The following BMPR2 variants were observed in gnomAD, a reference collection of about 807,000 sequenced individuals.
BMPR2 encodes bone morphogenetic protein receptor type 2.
In BMPR2, 29 loss-of-function variants were observed where a neutral mutation model predicts 100.8. That is an observed-to-expected ratio of 0.29 (90% CI 0.21 to 0.39). BMPR2 has a LOEUF of 0.39. Among genes scored for constraint, BMPR2 ranks in the 10% least tolerant of loss-of-function variants. The probability of loss-of-function intolerance (pLI) is 1.00; values close to 1 mark genes in which losing one functional copy is unlikely to be tolerated. For synonymous variants in BMPR2, 382 were observed against 442.3 expected, an observed-to-expected ratio of 0.86 and a Z score of 1.71; for missense variants, 1,011 against 1,274.5, an observed-to-expected ratio of 0.79 and a Z score of 3.15.
At chr2:202,440,425 C>T (rs1691714292) in intron 1 of BMPR2, among the ~76,000 whole-genome samples, 2 of 149,666 alleles carry the variant, frequency 1.3e-5, no homozygotes, top group African/African-American at 2.5e-5. Context: ...CGGGCAGAGA[C>T]GCTCCTCACT....
chr2:202,534,874 CG>C (rs1688102801), intron 9 of BMPR2, among the ~76,000 whole-genome samples: 1 of 147,818 alleles, frequency 6.8e-6, no homozygotes, highest in Non-Finnish European at 1.5e-5. Flanking sequence ...ACCTCCCTCC[CG>C]GACGGGGCGG....
intron 3 of BMPR2, among the ~76,000 whole-genome samples, chr2:202,513,256 C>T (rs779052395): frequency 5.9e-5 from 9 of 152,122 alleles, no homozygotes; most frequent in Non-Finnish European, 1.0e-4. Flanking sequence ...TAGGCATGAG[C>T]CACTGTGCCC....
rs75261836 is a variant in BMPR2, at chr2:202,430,014, T to C, written c.77-34795T>C. Among the ~76,000 whole-genome samples, 307 of 152,278 alleles carry C rather than the reference T, an allele frequency of 2.0e-3. 1 individual carries two copies. The highest frequency in any genetic ancestry group is 6.6e-3 in the African/African-American group (276 of 41,540). The stretch of plus-strand genomic sequence containing the variant: ...CTGTAGAATATGTGGCTTAAACATA[T>C]TTTCAGAAACTTACTTTCTTCCAAT... On this transcript the variant is annotated intron_variant, in intron 1 of 12. Coordinates refer to ENST00000374580, the MANE Select transcript of BMPR2 (RefSeq NM_001204.7).
chr2:202,559,656 G>GGGTA (rs1184646327), intron 12 of BMPR2, 40 bp from the exon 13 acceptor site: 1 of 1,608,070 alleles, frequency 6.2e-7, no homozygotes, highest in South Asian at 1.1e-5. Flanking sequence ...TATTTCTTAA[G>GGGTA]TTTGTTAAAT....
chr2:202,431,436 A>G (rs1691501210), intron 1 of BMPR2, among the ~76,000 whole-genome samples: 1 of 150,706 alleles, frequency 6.6e-6, no homozygotes, highest in Admixed American at 6.6e-5. Context: ...TCTAATCTGT[A>G]AAGTGATACA....
At chr2:202,428,104 T>A (rs1168419551) in intron 1 of BMPR2, among the ~76,000 whole-genome samples, 1 of 152,256 alleles carries the variant, frequency 6.6e-6, no homozygotes, top group African/African-American at 2.4e-5. Flanking sequence ...TTCATTTTTT[T>A]AATATACCCA....
intron 9 of BMPR2, among the ~76,000 whole-genome samples, chr2:202,537,334 A>G (rs968251286): frequency 6.6e-6 from 1 of 152,238 alleles, no homozygotes; most frequent in Admixed American, 6.5e-5. Context: ...TACAAACAAT[A>G]TATTTTGAAA....
chr2:202,382,201 A>G (rs1179382462), intron 1 of BMPR2, among the ~76,000 whole-genome samples: 1 of 151,624 alleles, frequency 6.6e-6, no homozygotes. Flanking sequence ...CTGGGATTAT[A>G]GGTGTGCACC....
intron 3 of BMPR2, among the ~76,000 whole-genome samples, chr2:202,485,338 A>T (rs1692750844): frequency 1.3e-5 from 2 of 151,944 alleles, no homozygotes; most frequent in Non-Finnish European, 2.9e-5. Flanking sequence ...TTTGGAGGCC[A>T]GCAGTCTAAA....
intron 7 of BMPR2, 162 bp downstream of exon 7, chr2:202,520,363 CAG>C: frequency 1.5e-6 from 1 of 665,518 alleles, no homozygotes; most frequent in Middle Eastern, 4.0e-4. Flanking sequence ...TGAAATGTAA[CAG>C]AAAGAGCTTT....
At chr2:202,494,993 C>T (rs1274512034) in intron 3 of BMPR2, among the ~76,000 whole-genome samples, 2 of 152,162 alleles carry the variant, frequency 1.3e-5, no homozygotes, top group African/African-American at 2.4e-5. Flanking sequence ...CTGCTCAGAC[C>T]TCTAGGGGAC....
chr2:202,476,080 T>TAAA (rs56243938), intron 3 of BMPR2, among the ~76,000 whole-genome samples: 1 of 95,376 alleles, frequency 1.0e-5, no homozygotes, highest in Non-Finnish European at 2.0e-5. Context: ...GTCTCAAGGT[T>TAAA]AAAAAAAAAA....
chr2:202,399,166 A>G (rs1244543136), intron 1 of BMPR2, among the ~76,000 whole-genome samples: 3 of 152,190 alleles, frequency 2.0e-5, no homozygotes, highest in African/African-American at 7.2e-5. Context: ...AAGTAGATAC[A>G]TAAAGGAACA....
At chr2:202,422,432 G>A (rs781502100) in intron 1 of BMPR2, among the ~76,000 whole-genome samples, 8 of 151,274 alleles carry the variant, frequency 5.3e-5, no homozygotes, top group East Asian at 3.9e-4. Context: ...TCAGCCTCCC[G>A]AGTAGCTGGG....
chr2:202,440,217 C>T (rs1046452084), intron 1 of BMPR2, among the ~76,000 whole-genome samples: 1 of 150,800 alleles, frequency 6.6e-6, no homozygotes, highest in Non-Finnish European at 1.5e-5. Context: ...GTGGCCCGTT[C>T]TCAATGAGCT....
At chr2:202,450,691 CAAA>C (rs761806972) in intron 1 of BMPR2, among the ~76,000 whole-genome samples, 8 of 41,212 alleles carry the variant, frequency 1.9e-4, no homozygotes, top group Non-Finnish European at 2.8e-4. Flanking sequence ...AACTCCATCT[CAAA>C]AAAAAAAAAA....
rs1688040893 is a variant in BMPR2, at chr2:202,532,094, C to A, written c.1129-491C>A. 6.6e-6 allele frequency among the ~76,000 whole-genome samples: 1 copy of A among 151,634 alleles called. No homozygotes were observed. The highest frequency in any genetic ancestry group is 1.5e-5 in the Non-Finnish European group (1 of 67,966). On this transcript the variant is annotated intron_variant, in intron 8 of 12. Transcript: ENST00000374580. This position sits in a 1 kb window ranked among gnomAD's most constrained non-coding sequence, Gnocchi z 4.1. ...AGCTGGGACTACAGGCACCCACCAC[C>A]ATGCCTGGTTAATTTTTTATTTTTT...
intron 1 of BMPR2, among the ~76,000 whole-genome samples, chr2:202,395,322 A>G (rs1690637951): frequency 6.6e-6 from 1 of 152,214 alleles, no homozygotes; most frequent in African/African-American, 2.4e-5. Flanking sequence ...AAGTCGATTA[A>G]TATCTTTACA....
intron 3 of BMPR2, among the ~76,000 whole-genome samples, chr2:202,512,352 A>G (rs1687641124): frequency 6.6e-6 from 1 of 152,218 alleles, no homozygotes; most frequent in Admixed American, 6.5e-5. Flanking sequence ...TTGCATAACT[A>G]CATCTAGTTA....
Sources: gnomAD v4.1 joint callset for allele counts (sites outside exome capture counted in the v4.1 genomes callset) on GRCh38, gnomAD v4.1.1 for gene constraint, Gnocchi (gnomAD v3.1) non-coding constraint, MANE v1.5 for transcripts, NCBI Gene and HGNC (gene_info 2026-07-23, HGNC 2026-07-21) for gene names.